The following RNFT2 variants were observed in gnomAD, a reference collection of about 807,000 sequenced individuals.
RNFT2 encodes the protein ring finger protein, transmembrane 2, also known as E3 ubiquitin-protein ligase RNFT2.
Under a neutral mutation model 53.0 loss-of-function variants are expected in RNFT2, and 36 were observed. That is an observed-to-expected ratio of 0.68 (90% CI 0.52 to 0.90). The LOEUF (loss-of-function observed/expected upper bound fraction) is 0.90, where lower values mean the gene tolerates loss of function less well. RNFT2 is among the 40% of genes least tolerant of loss of function. The probability of loss-of-function intolerance (pLI) is 0.00; values close to 1 mark genes in which losing one functional copy is unlikely to be tolerated. For missense variants in RNFT2, 514 were observed against 585.6 expected, an observed-to-expected ratio of 0.88 and a Z score of 1.26; for synonymous variants, 260 against 253.2, an observed-to-expected ratio of 1.03 and a Z score of -0.26.
At chr12:116,788,738 A>G (rs556144367) in intron 7 of RNFT2, among the ~76,000 whole-genome samples, 1 of 152,178 alleles carries the variant, frequency 6.6e-6, no homozygotes, top group South Asian at 2.1e-4. Context: ...TGTGTGTTTG[A>G]GTGGGTAGAT....
At chr12:116,798,326 C>T (rs546446804) in intron 7 of RNFT2, among the ~76,000 whole-genome samples, 1 of 152,062 alleles carries the variant, frequency 6.6e-6, no homozygotes, top group South Asian at 2.1e-4. Context: ...ATATACAGCT[C>T]CCACGTTGCT....
chr12:116,832,147 AAATATAT>A (rs1486476547), intron 7 of RNFT2, among the ~76,000 whole-genome samples: 21 of 43,280 alleles, frequency 4.9e-4, no homozygotes, highest in African/African-American at 9.9e-4. Context: ...AAAAAAAAAA[AAATATAT>A]ATATATATAT....
intron 10 of RNFT2, among the ~76,000 whole-genome samples, chr12:116,841,923 AT>A: frequency 2.9e-5 from 1 of 34,302 alleles, no homozygotes; most frequent in African/African-American, 2.5e-4. Context: ...ATATATAAAA[AT>A]ATATATATAT....
At chr12:116,836,115 A>G in intron 9 of RNFT2, 66 bp from the exon 10 acceptor site, 1 of 1,593,286 alleles carries the variant, frequency 6.3e-7, no homozygotes, top group Non-Finnish European at 8.6e-7. Context: ...CAGATCTCAC[A>G]GTGCTCCTGA....
At chr12:116,747,631 A>C (rs1371056019) in intron 3 of RNFT2, among the ~76,000 whole-genome samples, 1 of 152,154 alleles carries the variant, frequency 6.6e-6, no homozygotes, top group Non-Finnish European at 1.5e-5. Flanking sequence ...TTCGGACTGA[A>C]TAACATCTGG....
At chr12:116,786,442 G>A (rs916987013) in intron 7 of RNFT2, among the ~76,000 whole-genome samples, 1 of 152,096 alleles carries the variant, frequency 6.6e-6, no homozygotes, top group Non-Finnish European at 1.5e-5. Flanking sequence ...TCATGCAGCT[G>A]CTCGGTGGTG....
At chr12:116,762,064 C>CAA (rs796440574) in intron 5 of RNFT2, among the ~76,000 whole-genome samples, 1,328 of 121,376 alleles carry the variant, frequency 0.011, 14 homozygotes, top group Middle Eastern at 0.031. Flanking sequence ...GAGACTGTCT[C>CAA]AAAAAAAAAA....
chr12:116,762,217 A>G (rs2137091809), intron 5 of RNFT2, among the ~76,000 whole-genome samples: 1 of 152,012 alleles, frequency 6.6e-6, no homozygotes, highest in South Asian at 2.1e-4. Context: ...CGTCTCTACT[A>G]AAAAGATACA....
chr12:116,833,731 C>G (rs569112644), intron 7 of RNFT2, 61 bp from the exon 8 acceptor site: 2 of 1,593,512 alleles, frequency 1.3e-6, no homozygotes, highest in African/African-American at 1.3e-5. Context: ...GGGGGGCCCC[C>G]CAGCTGGGTC....
intron 7 of RNFT2, among the ~76,000 whole-genome samples, chr12:116,786,801 C>T (rs1873955830): frequency 6.6e-6 from 1 of 152,142 alleles, no homozygotes; most frequent in South Asian, 2.1e-4. Flanking sequence ...AAGGTGTCAG[C>T]GGGGCTGCAC....
Position 116,849,519 on chromosome 12 carries a change from C to T in RNFT2, c.*71C>T. On this transcript the variant is annotated 3_prime_UTR_variant, in exon 11 of 11. Coordinates refer to ENST00000257575, the MANE Select transcript of RNFT2 (RefSeq NM_001382266.1). The stretch of plus-strand genomic sequence containing the variant: ...CCCGGACCCAGCCCTGCGGGGGCTT[C>T]CTGAGAAACAGGCCTCAAGCACTTA... The T allele has an allele frequency of 6.7e-7, 1 of 1,489,318 alleles. No individual in the cohort carries two copies. Among genetic ancestry groups the T allele is most frequent in the African/African-American group, 1.4e-5 (1 of 72,482 alleles). 92.3% of individuals were successfully genotyped at this position (1,489,318 alleles called of 1,614,324 possible).
At position 116,750,286 on chromosome 12, in the gene RNFT2, C is replaced by T; in HGVS notation, c.529C>T (p.Leu177=). ...LPFILILLAK[L]CFQHKLGIAV... The stretch of plus-strand genomic sequence containing the variant: ...CTTCATCCTGATCCTCCTGGCCAAA[C>T]TGTGCTTTCAGCATAAGCTCGGTGA... The change falls in exon 4 of 11, where the codon CTG becomes TTG. Residue 177 remains leucine (L), a synonymous_variant. Coordinates refer to ENST00000257575, the MANE Select transcript of RNFT2 (RefSeq NM_001382266.1). 1 of 1,603,838 alleles carries T rather than the reference C, an allele frequency of 6.2e-7. No individual in the cohort carries two copies. The highest frequency in any genetic ancestry group is 1.3e-5 in the African/African-American group (1 of 74,988).
chr12:116,793,039 C>T (rs897867211), intron 7 of RNFT2, among the ~76,000 whole-genome samples: 4 of 151,960 alleles, frequency 2.6e-5, no homozygotes, highest in Non-Finnish European at 5.9e-5. Flanking sequence ...TGCCTTGCAA[C>T]GCTGGAGGGT....
chr12:116,745,260 T>C (rs1414657604), intron 3 of RNFT2, among the ~76,000 whole-genome samples: 1 of 151,440 alleles, frequency 6.6e-6, no homozygotes, highest in African/African-American at 2.4e-5. Flanking sequence ...CTGCAACCTT[T>C]GCCTCCCCGG....
intron 6 of RNFT2, among the ~76,000 whole-genome samples, chr12:116,773,742 T>C (rs948725673): frequency 6.6e-6 from 1 of 152,192 alleles, no homozygotes; most frequent in Non-Finnish European, 1.5e-5. Flanking sequence ...AGATACAAAA[T>C]TGTGTAAGTC....
intron 10 of RNFT2, among the ~76,000 whole-genome samples, chr12:116,841,179 TG>T (rs1877229783): frequency 6.6e-6 from 1 of 152,156 alleles, no homozygotes. Flanking sequence ...AGGCCAGGCA[TG>T]GTAGCTCATG....
intron 7 of RNFT2, among the ~76,000 whole-genome samples, chr12:116,805,323 C>T (rs1435106648): frequency 6.6e-6 from 1 of 151,818 alleles, no homozygotes; most frequent in African/African-American, 2.4e-5. Flanking sequence ...AGACAAGGTT[C>T]GCCAGAGAAA....
chr12:116,781,197 G>A (rs1004532688), intron 7 of RNFT2, among the ~76,000 whole-genome samples: 1 of 152,124 alleles, frequency 6.6e-6, no homozygotes, highest in Non-Finnish European at 1.5e-5. Flanking sequence ...GTAAAATGGG[G>A]TAATAGTTTT....
At chr12:116,744,903 C>T (rs1001411598) in intron 3 of RNFT2, among the ~76,000 whole-genome samples, 8 of 152,054 alleles carry the variant, frequency 5.3e-5, no homozygotes, top group African/African-American at 1.2e-4. Flanking sequence ...TGGGTGGCCA[C>T]GGAGAGAGAG....
Sources: gnomAD v4.1 joint callset for allele counts (sites outside exome capture counted in the v4.1 genomes callset) on GRCh38, gnomAD v4.1.1 for gene constraint, MANE v1.5 for transcripts, NCBI Gene and HGNC (gene_info 2026-07-23, HGNC 2026-07-21) for gene names.